Variants in ANO4 observed in about 807,000 individuals in gnomAD.
The protein encoded by ANO4 is anoctamin-4.
In ANO4, 69 loss-of-function variants were observed where a neutral mutation model predicts 141.9. The observed-to-expected ratio is 0.49, with a 90% CI of 0.40 to 0.59. The LOEUF (loss-of-function observed/expected upper bound fraction) is 0.59, where lower values mean the gene tolerates loss of function less well. Ranked by LOEUF, ANO4 falls within the 20% of genes least tolerant of loss-of-function variation. The pLI is 0.00. For missense variants in ANO4, 894 were observed against 1,162.2 expected, an observed-to-expected ratio of 0.77 and a Z score of 3.36; for synonymous variants, 350 against 394.3, an observed-to-expected ratio of 0.89 and a Z score of 1.33.
intron 14 of ANO4, among the ~76,000 whole-genome samples, chr12:101,053,329 A>G (rs933622492): frequency 6.6e-6 from 1 of 152,220 alleles, no homozygotes; most frequent in Non-Finnish European, 1.5e-5. Context: ...CTGAAAAGGA[A>G]GAATTGGCTG....
intron 3 of ANO4, among the ~76,000 whole-genome samples, chr12:100,778,943 TG>T (rs1443899618): frequency 1.3e-5 from 2 of 152,108 alleles, no homozygotes; most frequent in Non-Finnish European, 2.9e-5. Context: ...TATATACCTT[TG>T]GGGTATTAGG....
At chr12:100,987,215 C>T (rs117865962) in intron 7 of ANO4, 5,497 of 227,436 alleles carry the variant, frequency 0.024, 101 homozygotes, top group South Asian at 0.077. Flanking sequence ...CTGCTGCTTG[C>T]TTAAGGGACT....
At chr12:100,841,139 G>C (rs2037224883) in intron 1 of ANO4, among the ~76,000 whole-genome samples, 1 of 152,080 alleles carries the variant, frequency 6.6e-6, no homozygotes, top group Non-Finnish European at 1.5e-5. Flanking sequence ...TCTCAAAGAT[G>C]GATATTATGA....
intron 4 of ANO4, among the ~76,000 whole-genome samples, chr12:100,941,175 A>G (rs766617032): frequency 6.6e-6 from 1 of 151,960 alleles, no homozygotes; most frequent in Non-Finnish European, 1.5e-5. Flanking sequence ...GTATGTTTAC[A>G]TATATGCACA....
chr12:101,077,304 C>A (rs2049061405), intron 14 of ANO4, among the ~76,000 whole-genome samples: 1 of 152,206 alleles, frequency 6.6e-6, no homozygotes, highest in South Asian at 2.1e-4. Flanking sequence ...TTCCTCCCTA[C>A]TTTGCTCCAT....
At position 101,061,495 on chromosome 12, in the gene ANO4, C is replaced by G. The variant is rs1018940065; in HGVS notation, c.1312+13094C>G. Reference sequence around the variant, plus strand: ...GAGTGTTTTCCAACTTGGTTCCATTCTCCCCATCACTTTCAGGTACACCAA... The same window carrying G: ...GAGTGTTTTCCAACTTGGTTCCATTGTCCCCATCACTTTCAGGTACACCAA... On this transcript the variant is annotated intron_variant, in intron 14 of 27. Coordinates refer to ENST00000392977, the MANE Select transcript of ANO4 (RefSeq NM_001286615.2). Among the ~76,000 whole-genome samples the G allele has an allele frequency of 5.9e-5, 9 of 152,180 alleles. No homozygotes were observed. The Middle Eastern group carries it at 0.01, about 174-fold the overall frequency.
chr12:101,001,390 C>T (rs1049840268), intron 8 of ANO4, among the ~76,000 whole-genome samples: 20 of 152,326 alleles, frequency 1.3e-4, no homozygotes, highest in South Asian at 2.1e-4. Context: ...CCCCATTGGT[C>T]AGTATTCTGT....
intron 5 of ANO4, among the ~76,000 whole-genome samples, chr12:100,947,936 C>A (rs113122677): frequency 0.015 from 2,323 of 152,108 alleles, 64 homozygotes; most frequent in African/African-American, 0.053. Flanking sequence ...ATAATCCCAG[C>A]ACTTTGGGAG....
intron 1 of ANO4, among the ~76,000 whole-genome samples, chr12:100,887,941 C>G (rs2039919516): frequency 6.6e-6 from 1 of 152,080 alleles, no homozygotes; most frequent in African/African-American, 2.4e-5. Context: ...CAAGGAAAAC[C>G]CTTAAACTTT....
In ANO4 at chr12:100,942,365, C is replaced by T. The variant is rs748981819; in HGVS notation, c.298-12C>T. The T allele has an allele frequency of 6.2e-7, 1 of 1,610,092 alleles. No individual in the cohort carries two copies. The highest frequency in any genetic ancestry group is 8.5e-7 in the Non-Finnish European group (1 of 1,178,820). ...GAATGACTTAAACTGGTCCCTTTCT[C>T]TTTGTGTGCAGACAGTGCCAGAAAG... On this transcript the variant is annotated splice_polypyrimidine_tract_variant and intron_variant, in intron 4 of 27. Coordinates refer to ENST00000392977, the MANE Select transcript of ANO4 (RefSeq NM_001286615.2).
chr12:100,927,111 G>A (rs1382286153), intron 3 of ANO4, among the ~76,000 whole-genome samples: 1 of 152,098 alleles, frequency 6.6e-6, no homozygotes, highest in Non-Finnish European at 1.5e-5. Context: ...GACTTGAAAG[G>A]TGGGCAGCTC....
At chr12:101,006,774 C>A (rs1055865205) in intron 8 of ANO4, among the ~76,000 whole-genome samples, 38 of 152,214 alleles carry the variant, frequency 2.5e-4, no homozygotes, top group African/African-American at 8.2e-4. Flanking sequence ...GGAATACCTG[C>A]ATGTTGTGGA....
At chr12:101,117,842 CTCA>C (rs2050916525) in intron 25 of ANO4, among the ~76,000 whole-genome samples, 1 of 152,184 alleles carries the variant, frequency 6.6e-6, no homozygotes, top group African/African-American at 2.4e-5. Flanking sequence ...ACTTCAGTCC[CTCA>C]TCTTACAGAA....
intron 1 of ANO4, among the ~76,000 whole-genome samples, chr12:100,887,922 C>T (rs78261843): frequency 0.032 from 4,905 of 152,138 alleles, 209 homozygotes; most frequent in African/African-American, 0.1. Flanking sequence ...TGCCTAAGTC[C>T]ACAGAACACA....
chr12:100,906,330 G>A (rs889194268), intron 2 of ANO4, among the ~76,000 whole-genome samples: 1 of 152,142 alleles, frequency 6.6e-6, no homozygotes. Flanking sequence ...AAGATCAATC[G>A]GTTGAAATTC....
At chr12:101,073,744 C>T (rs576824137) in intron 14 of ANO4, among the ~76,000 whole-genome samples, 13 of 152,130 alleles carry the variant, frequency 8.5e-5, no homozygotes, top group South Asian at 8.3e-4. Context: ...CTGAACACTA[C>T]CCCTGATCCT....
intron 3 of ANO4, among the ~76,000 whole-genome samples, chr12:100,937,848 C>T (rs2042349348): frequency 6.6e-6 from 1 of 152,168 alleles, no homozygotes; most frequent in Non-Finnish European, 1.5e-5. Context: ...AGCAGCATAG[C>T]ATCTTCCAAT....
chr12:100,919,284 A>G (rs1271239399), intron 2 of ANO4, among the ~76,000 whole-genome samples: 1 of 152,162 alleles, frequency 6.6e-6, no homozygotes, highest in Non-Finnish European at 1.5e-5. Flanking sequence ...GTGCAATAGT[A>G]TTTTAGGCCT....
intron 26 of ANO4, among the ~76,000 whole-genome samples, chr12:101,122,858 G>A (rs543606139): frequency 3.3e-5 from 5 of 152,172 alleles, no homozygotes; most frequent in African/African-American, 4.8e-5. Flanking sequence ...GTATCATCAC[G>A]GAATTATTTA....
Sources: gnomAD v4.1 joint callset for allele counts (sites outside exome capture counted in the v4.1 genomes callset) on GRCh38, gnomAD v4.1.1 for gene constraint, MANE v1.5 for transcripts, NCBI Gene and HGNC (gene_info 2026-07-23, HGNC 2026-07-21) for gene names.